FHIT: variants seen among roughly 807,000 people sequenced by gnomAD.
FHIT encodes bis(5'-adenosyl)-triphosphatase.
FHIT carries 19 observed loss-of-function variants against 17.9 expected under a neutral mutation model. That is an observed-to-expected ratio of 1.06 (90% CI 0.74 to 1.56). The LOEUF is 1.56. Ranked by LOEUF, FHIT falls within the 40% of genes most tolerant of loss-of-function variation. The pLI is 0.00. For missense variants in FHIT, 248 were observed against 189.2 expected, an observed-to-expected ratio of 1.31 and a Z score of -1.82; for synonymous variants, 81 against 69.7, an observed-to-expected ratio of 1.16 and a Z score of -0.81.
intron 2 of FHIT, among the ~76,000 whole-genome samples, chr3:61,092,807 T>G (rs2035526825): frequency 6.6e-6 from 1 of 152,104 alleles, no homozygotes; most frequent in African/African-American, 2.4e-5. Flanking sequence ...GATGTTTTAG[T>G]GAGAAAGGAT....
chr3:59,916,844 C>T (rs1257663924), intron 8 of FHIT, among the ~76,000 whole-genome samples: 1 of 152,202 alleles, frequency 6.6e-6, no homozygotes, highest in Non-Finnish European at 1.5e-5. Context: ...TTTAGAAGAA[C>T]ATATCAAGTT....
intron 1 of FHIT, among the ~76,000 whole-genome samples, chr3:61,218,810 A>C (rs1483938759): frequency 6.6e-6 from 1 of 152,146 alleles, no homozygotes; most frequent in Non-Finnish European, 1.5e-5. Flanking sequence ...TTAGAATCTA[A>C]GCTCTATAAA....
At chr3:60,722,364 G>T (rs974982736) in intron 4 of FHIT, among the ~76,000 whole-genome samples, 3 of 152,232 alleles carry the variant, frequency 2.0e-5, no homozygotes, top group Non-Finnish European at 2.9e-5. Context: ...AAAGAGAGCA[G>T]GAGTTGGGGC....
intron 3 of FHIT, among the ~76,000 whole-genome samples, chr3:60,860,158 T>TATACATGAG (rs1703595093): frequency 2.7e-5 from 2 of 73,050 alleles, no homozygotes; most frequent in African/African-American, 9.1e-5. Context: ...GTATATATGA[T>TATACATGAG]ATACATCATA....
intron 7 of FHIT, among the ~76,000 whole-genome samples, chr3:59,949,866 G>T (rs534236138): frequency 6.6e-6 from 1 of 152,298 alleles, no homozygotes; most frequent in South Asian, 2.1e-4. Context: ...CGCAGGGTAT[G>T]ACTTTGCATT....
chr3:60,713,990 T>C (rs1178312581), intron 4 of FHIT, among the ~76,000 whole-genome samples: 4 of 151,918 alleles, frequency 2.6e-5, no homozygotes, highest in Non-Finnish European at 5.9e-5. Flanking sequence ...AAAAAGAGAA[T>C]TTTAGACCAA....
At chr3:60,073,171 G>A (rs1036413202) in intron 5 of FHIT, among the ~76,000 whole-genome samples, 15 of 152,128 alleles carry the variant, frequency 9.9e-5, no homozygotes, top group African/African-American at 3.4e-4. Context: ...TAACCATACA[G>A]GTAAATATTG....
chr3:59,995,686 C>G (rs548461687), intron 7 of FHIT, among the ~76,000 whole-genome samples: 1 of 152,196 alleles, frequency 6.6e-6, no homozygotes, highest in South Asian at 2.1e-4. Flanking sequence ...AACTGTGGAT[C>G]TGGAGGGAAT....
intron 5 of FHIT, among the ~76,000 whole-genome samples, chr3:60,122,561 C>T (rs1267914377): frequency 6.6e-6 from 1 of 152,088 alleles, no homozygotes; most frequent in Admixed American, 6.6e-5. Context: ...GTTTAAACCT[C>T]TAAGAGATCA....
chr3:59,880,919 C>T (rs948970756), intron 8 of FHIT, among the ~76,000 whole-genome samples: 1 of 152,108 alleles, frequency 6.6e-6, no homozygotes, highest in Non-Finnish European at 1.5e-5. Context: ...GGTCTTTAAG[C>T]CTCTTTGAGC....
chr3:59,931,414 G>A (rs941866864), intron 7 of FHIT, among the ~76,000 whole-genome samples: 2 of 152,120 alleles, frequency 1.3e-5, no homozygotes, highest in African/African-American at 4.8e-5. Context: ...AAATGTCACT[G>A]GAAGTAATGC....
intron 8 of FHIT, among the ~76,000 whole-genome samples, chr3:59,843,258 C>G (rs547294391): frequency 7.9e-5 from 12 of 152,190 alleles, no homozygotes; most frequent in Non-Finnish European, 1.8e-4. Flanking sequence ...CCTCTATCCT[C>G]TATTCTATTC....
intron 4 of FHIT, among the ~76,000 whole-genome samples, chr3:60,724,411 T>G (rs573160869): frequency 2.6e-3 from 394 of 152,332 alleles, no homozygotes; most frequent in African/African-American, 8.8e-3. Context: ...TTTCTACTTT[T>G]TGGCTACTAT....
At chr3:60,700,504 T>C (rs1334555980) in intron 4 of FHIT, among the ~76,000 whole-genome samples, 5 of 152,146 alleles carry the variant, frequency 3.3e-5, no homozygotes, top group Non-Finnish European at 1.5e-5. Context: ...ACAATCTCAC[T>C]ATTCATGTGC....
At chr3:60,478,689 TC>T (rs1205127272) in intron 5 of FHIT, among the ~76,000 whole-genome samples, 5 of 152,324 alleles carry the variant, frequency 3.3e-5, no homozygotes, top group Non-Finnish European at 7.3e-5. Context: ...AACCTTTTTC[TC>T]CCACTATATT....
chr3:60,517,859 G>A (rs949693337), intron 5 of FHIT, among the ~76,000 whole-genome samples: 6 of 152,094 alleles, frequency 3.9e-5, no homozygotes, highest in African/African-American at 9.7e-5. Context: ...TGAAAACACC[G>A]CTGTGCTTCT....
chr3:60,682,324 T>G (rs890572148), intron 4 of FHIT, among the ~76,000 whole-genome samples: 1 of 152,178 alleles, frequency 6.6e-6, no homozygotes, highest in African/African-American at 2.4e-5. Flanking sequence ...GAAGATGCCA[T>G]CTAGGATTTT....
intron 3 of FHIT, among the ~76,000 whole-genome samples, chr3:60,957,384 C>G (rs564680955): frequency 1.8e-3 from 280 of 151,970 alleles, no homozygotes; most frequent in African/African-American, 6.1e-3. Flanking sequence ...ATTACAGGCA[C>G]GTGCCACCAC....
chr3:60,410,015 T>C (rs1352131953), intron 5 of FHIT, among the ~76,000 whole-genome samples: 1 of 152,196 alleles, frequency 6.6e-6, no homozygotes. Context: ...AGATTTATTT[T>C]AATAATTCTG....
Sources: allele counts gnomAD v4.1 joint callset (sites outside exome capture counted in the v4.1 genomes callset), GRCh38; gene constraint gnomAD v4.1.1; transcripts MANE v1.5; gene names NCBI Gene and HGNC (gene_info 2026-07-23, HGNC 2026-07-21).